Variants in KANK1 observed in about 807,000 individuals in gnomAD.
KANK1 encodes the protein KN motif and ankyrin repeat domain-containing protein 1.
In KANK1, 109 loss-of-function variants were observed where a neutral mutation model predicts 106.2. The observed-to-expected ratio is 1.03, with a 90% CI of 0.88 to 1.20. The LOEUF is 1.20. Among genes scored for constraint, KANK1 ranks in the 50% most tolerant of loss-of-function variants. KANK1 has a pLI of 0.00. For synonymous variants in KANK1, 873 were observed against 652.2 expected (o/e 1.34, Z -5.16); for missense variants, 2,399 against 1,710.7 (o/e 1.40, Z -7.10).
rs572391569 is a variant in KANK1, at chr9:513,493, C to T, written c.-84+8739C>T. 9.2e-5 allele frequency among the ~76,000 whole-genome samples: 14 copies of T among 152,298 alleles called. No individual in the cohort carries two copies. In the East Asian group the frequency reaches 2.7e-3, roughly 29 times the overall value. On this transcript the variant is annotated intron_variant, in intron 1 of 11. Transcript: ENST00000382297. ...GGGGCTTAGTTTAACTCTCAGAACA[C>T]ATAACTAATCCCTTTTTATAATTAT...
At chr9:664,129 G>T (rs560480578) in intron 1 of KANK1, among the ~76,000 whole-genome samples, 1 of 152,178 alleles carries the variant, frequency 6.6e-6, no homozygotes, top group African/African-American at 2.4e-5. Context: ...CTTGATTAAT[G>T]TTAACTGTAG....
intron 5 of KANK1, 131 bp from the exon 6 acceptor site, chr9:732,247 C>T: frequency 1.8e-6 from 2 of 1,104,902 alleles, no homozygotes; most frequent in South Asian, 1.6e-5. Context: ...TTACTTTGAA[C>T]TTCTAAGTGC....
Position 629,077 on chromosome 9 carries a change from C to CA in KANK1, c.-83-47796dup, listed in dbSNP as rs34834497. 2.0e-3 allele frequency among the ~76,000 whole-genome samples: 263 copies of CA among 132,670 alleles called. 1 individual carries two copies. Among genetic ancestry groups the CA allele is most frequent in the African/African-American group, 3.1e-3 (110 of 35,832 alleles). The allele number at this position is 132,670 out of a possible 152,430, so 87.0% of individuals were successfully genotyped here. A position where few individuals can be genotyped will look rare whatever the true frequency, so the allele number is the denominator to read the frequency against. The stretch of plus-strand genomic sequence containing the variant: ...CTGGGCAACAGGGCACAACTGTTTC[C>CA]AAAAAAAAAAAAAAAAATCCCATCT... On this transcript the variant is annotated intron_variant, in intron 1 of 11. Coordinates refer to ENST00000382297, the MANE Select transcript of KANK1 (RefSeq NM_015158.5).
At chr9:520,681 A>G (rs2059503766) in intron 1 of KANK1, among the ~76,000 whole-genome samples, 1 of 151,806 alleles carries the variant, frequency 6.6e-6, no homozygotes, top group Non-Finnish European at 1.5e-5. Context: ...TTTGGGTTTT[A>G]TTTTGAAAAG....
intron 1 of KANK1, among the ~76,000 whole-genome samples, chr9:665,373 C>A (rs1844338397): frequency 6.6e-6 from 1 of 152,134 alleles, no homozygotes; most frequent in African/African-American, 2.4e-5. Context: ...TAGTTTCATT[C>A]TTCTACATAC....
At chr9:722,908 G>A (rs908901392) in intron 3 of KANK1, among the ~76,000 whole-genome samples, 3 of 152,182 alleles carry the variant, frequency 2.0e-5, no homozygotes, top group African/African-American at 7.2e-5. Flanking sequence ...TGAGGAGACA[G>A]GGCATATTTG....
intron 1 of KANK1, among the ~76,000 whole-genome samples, chr9:656,291 G>A (rs1016390739): frequency 3.9e-5 from 6 of 152,200 alleles, no homozygotes; most frequent in South Asian, 2.1e-4. Flanking sequence ...AGACCTTCGC[G>A]TGAGGAGGAA....
At chr9:726,024 A>G (rs1830548184) in intron 3 of KANK1, among the ~76,000 whole-genome samples, 1 of 152,244 alleles carries the variant, frequency 6.6e-6, no homozygotes, top group Non-Finnish European at 1.5e-5. Context: ...TTAGCAAAGC[A>G]GTGTTAAATG....
chr9:506,904 A>G (rs2132662912), intron 1 of KANK1, among the ~76,000 whole-genome samples: 1 of 152,280 alleles, frequency 6.6e-6, no homozygotes, highest in Middle Eastern at 3.4e-3. Flanking sequence ...GGGTGAGCAG[A>G]TTCTGAAAGA....
intron 1 of KANK1, among the ~76,000 whole-genome samples, chr9:649,457 T>C (rs1840404971): frequency 6.6e-6 from 1 of 152,204 alleles, no homozygotes. Flanking sequence ...GATAACTGAC[T>C]TCAGTCACTG....
At chr9:682,504 A>G (rs1588880357) in intron 2 of KANK1, among the ~76,000 whole-genome samples, 2 of 152,190 alleles carry the variant, frequency 1.3e-5, no homozygotes, top group African/African-American at 4.8e-5. Flanking sequence ...CTTCATGGAA[A>G]ATAGTTTTCA....
intron 1 of KANK1, among the ~76,000 whole-genome samples, chr9:561,340 G>A (rs750915362): frequency 6.6e-5 from 10 of 152,170 alleles, no homozygotes; most frequent in Non-Finnish European, 1.5e-4. Flanking sequence ...TATATCTTAT[G>A]TAACTATTTG....
intron 2 of KANK1, among the ~76,000 whole-genome samples, chr9:696,352 G>T (rs902320806): frequency 6.6e-6 from 1 of 152,062 alleles, no homozygotes; most frequent in Non-Finnish European, 1.5e-5. Context: ...AGAAACACAG[G>T]CATGTGCTTG....
chr9:623,726 C>G (rs1012008628), intron 1 of KANK1, among the ~76,000 whole-genome samples: 1 of 151,792 alleles, frequency 6.6e-6, no homozygotes, highest in Non-Finnish European at 1.5e-5. Flanking sequence ...TGCCTGTTAT[C>G]AAAAAGACAA....
intron 1 of KANK1, among the ~76,000 whole-genome samples, chr9:530,932 G>A (rs1407383640): frequency 6.6e-6 from 1 of 151,994 alleles, no homozygotes; most frequent in African/African-American, 2.4e-5. Context: ...CTCCATCGTG[G>A]GTGACAGAGT....
intron 1 of KANK1, among the ~76,000 whole-genome samples, chr9:639,396 A>T (rs1837876998): frequency 6.6e-6 from 1 of 152,092 alleles, no homozygotes; most frequent in Non-Finnish European, 1.5e-5. Flanking sequence ...CACGATCTGC[A>T]ACCTCCTCCT....
chr9:473,374 C>T (rs1406028012), intron 3 of KANK1: 1 of 152,186 alleles, frequency 6.6e-6, no homozygotes, highest in Non-Finnish European at 1.5e-5. Context: ...GGATAGGGGT[C>T]TGATTCAGTC....
intron 1 of KANK1, among the ~76,000 whole-genome samples, chr9:605,506 A>C (rs1828880007): frequency 6.6e-6 from 1 of 151,624 alleles, no homozygotes; most frequent in African/African-American, 2.4e-5. Flanking sequence ...AAACCAGTGA[A>C]GTCCTCCTGC....
At chr9:526,496 T>G (rs1301805369) in intron 1 of KANK1, among the ~76,000 whole-genome samples, 2 of 151,836 alleles carry the variant, frequency 1.3e-5, no homozygotes, top group East Asian at 3.9e-4. Context: ...GAGGATTGCT[T>G]GAGGCCATGA....
Sources: gnomAD v4.1 joint callset for allele counts (sites outside exome capture counted in the v4.1 genomes callset) on GRCh38, gnomAD v4.1.1 for gene constraint, MANE v1.5 for transcripts, NCBI Gene and HGNC (gene_info 2026-07-23, HGNC 2026-07-21) for gene names.